Variants in PTPRM observed in about 807,000 individuals in gnomAD.
PTPRM encodes protein tyrosine phosphatase receptor type M.
A neutral mutation model predicts 186.7 loss-of-function variants in PTPRM; 47 were observed. The ratio of observed to expected loss-of-function variants is 0.25; its 90% CI spans 0.20 to 0.32. The LOEUF (loss-of-function observed/expected upper bound fraction) is 0.32, where lower values mean the gene tolerates loss of function less well. PTPRM is among the 10% of genes least tolerant of loss of function. The pLI is 1.00. For synonymous variants in PTPRM, 668 were observed against 674.9 expected (o/e 0.99, Z 0.16); for missense variants, 1,494 against 1,865.0 (o/e 0.80, Z 3.66).
chr18:7,954,103 T>C (rs2053157986), intron 6 of PTPRM, among the ~76,000 whole-genome samples: 1 of 152,212 alleles, frequency 6.6e-6, no homozygotes, highest in African/African-American at 2.4e-5. Flanking sequence ...CATCGGCATG[T>C]GGAATACCTT....
chr18:8,234,004 C>T lies in PTPRM; in HGVS notation c.2301-10054C>T, dbSNP rs535146229. ...CTGTTTGTCTCTTATTTCACCAATA[C>T]CACACTGTCTTGATTACTGTAGCTT... On this transcript the variant is annotated intron_variant, in intron 14 of 32. Transcript: ENST00000580170. Among the ~76,000 whole-genome samples, 4 of 152,260 alleles carry T rather than the reference C, an allele frequency of 2.6e-5. No homozygotes were observed. In the South Asian group the frequency reaches 8.3e-4, roughly 32 times the overall value.
intron 4 of PTPRM, among the ~76,000 whole-genome samples, chr18:7,912,313 C>A (rs1275053654): frequency 6.6e-6 from 1 of 152,148 alleles, no homozygotes; most frequent in Non-Finnish European, 1.5e-5. Flanking sequence ...TGCCTTGGTA[C>A]CCTTGTTGAA....
At chr18:8,186,274 G>A (rs987079519) in intron 14 of PTPRM, among the ~76,000 whole-genome samples, 5 of 149,724 alleles carry the variant, frequency 3.3e-5, no homozygotes, top group South Asian at 2.1e-4. Context: ...TGCAGTGAGC[G>A]GAGATCGTGC....
chr18:7,976,992 AC>A (rs1255962718), intron 7 of PTPRM, among the ~76,000 whole-genome samples: 1 of 152,022 alleles, frequency 6.6e-6, no homozygotes, highest in Non-Finnish European at 1.5e-5. Context: ...AGAAGATTTA[AC>A]TATGGGGATC....
At chr18:7,873,470 G>C (rs578236808) in intron 2 of PTPRM, among the ~76,000 whole-genome samples, 3 of 152,274 alleles carry the variant, frequency 2.0e-5, no homozygotes, top group African/African-American at 7.2e-5. Flanking sequence ...AACCCTCCTG[G>C]TTATAAAATG....
At chr18:7,988,695 CATG>C (rs2083100589) in intron 7 of PTPRM, among the ~76,000 whole-genome samples, 2 of 152,232 alleles carry the variant, frequency 1.3e-5, no homozygotes, top group African/African-American at 4.8e-5. Context: ...TTTCAACAAG[CATG>C]ATATTTTCAA....
At chr18:8,366,160 T>C (rs1011733933) in intron 23 of PTPRM, among the ~76,000 whole-genome samples, 12 of 152,182 alleles carry the variant, frequency 7.9e-5, no homozygotes, top group African/African-American at 2.9e-4. Flanking sequence ...CTCTCTGCCA[T>C]AGGACTTATA....
At chr18:8,102,862 C>T (rs1049175671) in intron 11 of PTPRM, among the ~76,000 whole-genome samples, 7 of 152,112 alleles carry the variant, frequency 4.6e-5, no homozygotes, top group East Asian at 1.9e-4. Context: ...AAATCTATTC[C>T]GTGTATAATA....
chr18:8,253,104 C>T, intron 18 of PTPRM, 123 bp from the exon 19 acceptor site: 2 of 678,486 alleles, frequency 2.9e-6, no homozygotes, highest in Non-Finnish European at 4.4e-6. Context: ...TTTGCTGAGC[C>T]ATCGTAGGGA....
intron 1 of PTPRM, among the ~76,000 whole-genome samples, chr18:7,674,118 G>C (rs893602730): frequency 1.3e-5 from 2 of 152,170 alleles, no homozygotes; most frequent in African/African-American, 4.8e-5. Flanking sequence ...TGTGAGGAAA[G>C]AGAAGGGGGT....
intron 7 of PTPRM, among the ~76,000 whole-genome samples, chr18:7,982,859 T>TG (rs2082634917): frequency 6.6e-6 from 1 of 152,100 alleles, no homozygotes; most frequent in Non-Finnish European, 1.5e-5. Flanking sequence ...TGGCGTGTGA[T>TG]GGTGTATCTT....
chr18:8,393,819 C>T (rs377510151), intron 31 of PTPRM, among the ~76,000 whole-genome samples: 3 of 151,876 alleles, frequency 2.0e-5, no homozygotes, highest in Non-Finnish European at 2.9e-5. Context: ...GAGGGAGTCT[C>T]GCTCTGTTGC....
chr18:8,229,310 A>G (rs780002811), intron 14 of PTPRM, among the ~76,000 whole-genome samples: 23 of 152,156 alleles, frequency 1.5e-4, no homozygotes, highest in Admixed American at 9.2e-4. Context: ...TTGGCTAAGA[A>G]CAAAAACAGT....
At position 8,023,821 on chromosome 18, in the gene PTPRM, A is replaced by G. The variant is rs147730128; in HGVS notation, c.1133-45865A>G. ...AATTCTTTGCCAATTTAAATGGTAAATTATCAGAAGACACACACACACACA... is the reference window on the plus strand; with the variant it reads ...AATTCTTTGCCAATTTAAATGGTAAGTTATCAGAAGACACACACACACACA... On this transcript the variant is annotated intron_variant, in intron 7 of 32. Coordinates refer to ENST00000580170, the MANE Select transcript of PTPRM (RefSeq NM_001105244.2). 6.4e-4 allele frequency among the ~76,000 whole-genome samples: 90 copies of G among 141,082 alleles called. 1 individual carries two copies. The East Asian group carries it at 0.017, about 27-fold the overall frequency. 92.6% of individuals were successfully genotyped at this position (141,082 alleles called of 152,430 possible).
In PTPRM at chr18:7,668,305, C is replaced by T. The variant is rs764187570; in HGVS notation, c.73+100414C>T. 5.3e-5 allele frequency among the ~76,000 whole-genome samples: 8 copies of T among 152,276 alleles called. No individual in the cohort carries two copies. In the East Asian group the frequency reaches 1.2e-3, roughly 22 times the overall value. On this transcript the variant is annotated intron_variant, in intron 1 of 32. Transcript: ENST00000580170. The surrounding 1 kb of genome is among the most constrained non-coding windows in gnomAD (Gnocchi z 4.7). ...GGGTCCTGGTAATGGTGGTTTTCCC[C>T]ACTTCTGTCACTTACCACCCACAGC...
At chr18:7,629,044 A>T (rs1273947483) in intron 1 of PTPRM, among the ~76,000 whole-genome samples, 1 of 152,234 alleles carries the variant, frequency 6.6e-6, no homozygotes, top group Non-Finnish European at 1.5e-5. Flanking sequence ...AGTATCATGG[A>T]ACCACTTACA....
At chr18:7,682,091 T>A (rs2039493577) in intron 1 of PTPRM, among the ~76,000 whole-genome samples, 1 of 152,192 alleles carries the variant, frequency 6.6e-6, no homozygotes. Flanking sequence ...GCAGCTGAGA[T>A]TATATGTTGG....
chr18:7,928,862 A>G (rs1269647095), intron 5 of PTPRM, among the ~76,000 whole-genome samples: 3 of 152,138 alleles, frequency 2.0e-5, no homozygotes, highest in Admixed American at 2.0e-4. Context: ...TGGGTTGGGA[A>G]TCTTTCACTA....
intron 1 of PTPRM, among the ~76,000 whole-genome samples, chr18:7,647,723 G>C (rs1466291051): frequency 2.0e-5 from 3 of 152,210 alleles, no homozygotes; most frequent in Non-Finnish European, 4.4e-5. Context: ...GACTTCAGGG[G>C]TTGTTGACTT....
Sources: allele counts gnomAD v4.1 joint callset (sites outside exome capture counted in the v4.1 genomes callset), GRCh38; gene constraint gnomAD v4.1.1; non-coding constraint Gnocchi (gnomAD v3.1); transcripts MANE v1.5; gene names NCBI Gene and HGNC (gene_info 2026-07-23, HGNC 2026-07-21).